The following N4BP2L2 variants were observed in gnomAD, a reference collection of about 807,000 sequenced individuals.
N4BP2L2 encodes the protein NEDD4-binding protein 2-like 2.
Under a neutral mutation model 56.2 loss-of-function variants are expected in N4BP2L2, and 50 were observed. That is an observed-to-expected ratio of 0.89 (90% CI 0.71 to 1.13). The LOEUF (loss-of-function observed/expected upper bound fraction) is 1.13. N4BP2L2 is among the 50% of genes most tolerant of loss of function. N4BP2L2 has a pLI of 0.00. For missense variants in N4BP2L2, 689 were observed against 693.8 expected, an observed-to-expected ratio of 0.99 and a Z score of 0.08; for synonymous variants, 203 against 223.6, an observed-to-expected ratio of 0.91 and a Z score of 0.82.
chr13:32,468,086 G>A (rs2138857152), intron 6 of N4BP2L2, among the ~76,000 whole-genome samples: 1 of 152,278 alleles, frequency 6.6e-6, no homozygotes, highest in East Asian at 1.9e-4. Flanking sequence ...AACAGGCAAT[G>A]AGAGATATGC....
At chr13:32,459,253 C>T (rs1242167058) in intron 6 of N4BP2L2, among the ~76,000 whole-genome samples, 2 of 151,364 alleles carry the variant, frequency 1.3e-5, no homozygotes, top group African/African-American at 4.9e-5. Context: ...AACAGCCAAC[C>T]CCAAATTAAT....
intron 6 of N4BP2L2, among the ~76,000 whole-genome samples, chr13:32,449,134 C>T (rs1188129523): frequency 6.6e-6 from 1 of 152,228 alleles, no homozygotes; most frequent in Non-Finnish European, 1.5e-5. Flanking sequence ...ACTAAATGCT[C>T]CCAGCTAGAT....
intron 9 of N4BP2L2, among the ~76,000 whole-genome samples, chr13:32,435,069 A>G (rs2075318138): frequency 6.6e-6 from 1 of 152,142 alleles, no homozygotes; most frequent in African/African-American, 2.4e-5. Context: ...TTCACTCACT[A>G]TAATCTAACT....
chr13:32,480,509 G>C, intron 6 of N4BP2L2: 1 of 782,500 alleles, frequency 1.3e-6, no homozygotes, highest in Non-Finnish European at 1.8e-6. Flanking sequence ...CAACAATAAA[G>C]AGACTTTTTT....
At chr13:32,536,699 A>T in exon 2 of N4BP2L2, 1 of 1,614,128 alleles carries the variant, frequency 6.2e-7, no homozygotes, top group African/African-American at 1.3e-5. Context: ...GTCTGCGGAT[A>T]CTAATGGAGG....
At chr13:32,488,254 G>A (rs2086312804) in intron 6 of N4BP2L2, among the ~76,000 whole-genome samples, 1 of 152,170 alleles carries the variant, frequency 6.6e-6, no homozygotes, top group Admixed American at 6.5e-5. Flanking sequence ...TATGTCCTTT[G>A]AAGTAACATG....
At chr13:32,537,941 G>A (rs2056965368) in intron 1 of N4BP2L2, among the ~76,000 whole-genome samples, 1 of 151,856 alleles carries the variant, frequency 6.6e-6, no homozygotes, top group Non-Finnish European at 1.5e-5. Flanking sequence ...ATGGGGGCGC[G>A]CACTTGTGGT....
chr13:32,528,070 A>AT (rs1431862819), intron 2 of N4BP2L2, among the ~76,000 whole-genome samples: 1 of 152,154 alleles, frequency 6.6e-6, no homozygotes, highest in Non-Finnish European at 1.5e-5. Flanking sequence ...GTGCCTGGCC[A>AT]TAACAAAAAC....
intron 6 of N4BP2L2, among the ~76,000 whole-genome samples, chr13:32,501,431 C>T (rs979181222): frequency 1.3e-5 from 2 of 149,992 alleles, no homozygotes; most frequent in African/African-American, 2.4e-5. Context: ...AAATAAAAAC[C>T]TTTTTTTTTT....
At chr13:32,443,613 G>A in exon 7 of N4BP2L2, 3 of 1,611,868 alleles carry the variant, frequency 1.9e-6, no homozygotes, top group African/African-American at 1.3e-5. Flanking sequence ...GGTCCTGGGT[G>A]TCTAATGCTA....
intron 2 of N4BP2L2, among the ~76,000 whole-genome samples, chr13:32,528,716 T>C (rs1391912638): frequency 6.6e-6 from 1 of 152,010 alleles, no homozygotes. Context: ...GGATGGAAGG[T>C]GGTATATTAA....
At chr13:32,500,015 G>A (rs2089650946) in intron 6 of N4BP2L2, among the ~76,000 whole-genome samples, 1 of 152,172 alleles carries the variant, frequency 6.6e-6, no homozygotes. Flanking sequence ...AATATTTGCT[G>A]ACTGAACTTT....
At chr13:32,442,640 C>A in exon 7 of N4BP2L2, 1 of 1,613,838 alleles carries the variant, frequency 6.2e-7, no homozygotes, top group East Asian at 2.2e-5. Context: ...ATAAACCCTG[C>A]ATCATTTAGT....
chr13:32,445,058 G>A lies in N4BP2L2; in HGVS notation c.366-932C>T, dbSNP rs183777431. Among the ~76,000 whole-genome samples, 350 of 152,274 alleles carry A rather than the reference G, an allele frequency of 2.3e-3. 2 individuals are homozygous for A. Among genetic ancestry groups the A allele is most frequent in the Non-Finnish European group, 1.9e-3 (127 of 68,030 alleles). ...GAGGTCAGGAGTTCGAGACCAACCT[G>A]GCCAACGTGGCGAAACCCTGTCTCT... On this transcript the variant is annotated intron_variant, in intron 6 of 9. Coordinates refer to the N4BP2L2 transcript ENST00000357505.
intron 6 of N4BP2L2, among the ~76,000 whole-genome samples, chr13:32,450,218 C>A (rs879874353): frequency 1.3e-5 from 2 of 150,666 alleles, no homozygotes; most frequent in Admixed American, 6.6e-5. Flanking sequence ...AAATTAGTAA[C>A]AATAAATTTT....
chr13:32,518,171 GTTT>G (rs544341590), intron 5 of N4BP2L2, among the ~76,000 whole-genome samples, 168 bp from the exon 6 acceptor site: 199 of 152,170 alleles, frequency 1.3e-3, no homozygotes, highest in African/African-American at 4.3e-3. Flanking sequence ...AAACTCAAAT[GTTT>G]TTATCAATAT....
At chr13:32,521,957 C>T in intron 4 of N4BP2L2, 1 of 439,176 alleles carries the variant, frequency 2.3e-6, no homozygotes, top group Non-Finnish European at 4.0e-6. Flanking sequence ...GCCTGGGTGA[C>T]AGAGCGAGAC....
At chr13:32,463,933 A>AAAAAAC (rs1274574628) in intron 6 of N4BP2L2, among the ~76,000 whole-genome samples, 1 of 150,902 alleles carries the variant, frequency 6.6e-6, no homozygotes, top group Non-Finnish European at 1.5e-5. Flanking sequence ...AAAAAAAAAA[A>AAAAAAC]AAAAAGGTAA....
chr13:32,484,085 G>C (rs1286190479), intron 6 of N4BP2L2, among the ~76,000 whole-genome samples: 1 of 152,094 alleles, frequency 6.6e-6, no homozygotes, highest in Non-Finnish European at 1.5e-5. Flanking sequence ...CAAGGCAGAA[G>C]GAGTGCTTCT....
Sources: gnomAD v4.1 joint callset for allele counts (sites outside exome capture counted in the v4.1 genomes callset) on GRCh38, gnomAD v4.1.1 for gene constraint, MANE v1.5 for transcripts, NCBI Gene and HGNC (gene_info 2026-07-23, HGNC 2026-07-21) for gene names.